RECK: variants seen among roughly 807,000 people sequenced by gnomAD.
RECK encodes reversion-inducing cysteine-rich protein with Kazal motifs.
RECK carries 69 observed loss-of-function variants against 115.1 expected under a neutral mutation model. The ratio of observed to expected loss-of-function variants is 0.60; its 90% CI spans 0.49 to 0.73. RECK has a LOEUF of 0.73. Among genes scored for constraint, RECK ranks in the 30% least tolerant of loss-of-function variants. The pLI is 0.00. For synonymous variants in RECK, 414 were observed against 419.7 expected (o/e 0.99, Z 0.17); for missense variants, 1,047 against 1,203.7 (o/e 0.87, Z 1.93).
chr9:36,104,300 A>G (rs1283336181), intron 12 of RECK, among the ~76,000 whole-genome samples: 2,095 of 52,578 alleles, frequency 0.04, 125 homozygotes, highest in African/African-American at 0.2. Flanking sequence ...GTGTATATAT[A>G]TATATATATA....
chr9:36,118,671 A>T, intron 17 of RECK, 86 bp from the exon 18 acceptor site: 2 of 1,284,102 alleles, frequency 1.6e-6, no homozygotes, highest in Admixed American at 4.3e-5. Flanking sequence ...TTCCTTCCTG[A>T]AAATAGGGAG....
chr9:36,105,117 A>C (rs1373771000), intron 12 of RECK, 26 bp from the exon 13 acceptor site: 3 of 1,606,164 alleles, frequency 1.9e-6, no homozygotes, highest in Non-Finnish European at 2.6e-6. Context: ...TAGGTTGGTT[A>C]AACTAATCTG....
intron 1 of RECK, among the ~76,000 whole-genome samples, chr9:36,037,799 A>T (rs1244813785): frequency 1.3e-5 from 2 of 152,088 alleles, no homozygotes; most frequent in South Asian, 2.1e-4. Flanking sequence ...AGGAGATTGA[A>T]GTAACTCGAA....
rs200760523 is a variant in RECK at position 36,118,897 on chromosome 9, C to T, written c.2394C>T (p.Ser798=). Residue 798 remains serine (S), a synonymous_variant, in exon 18 of 21, where the codon TCC becomes TCT. Coordinates refer to ENST00000377966, the MANE Select transcript of RECK (RefSeq NM_021111.3). ...QAVGVLSEHS[S]VAECASVKCP... Reference sequence around the variant, plus strand: ...TCGGAGTCCTCTCAGAGCACAGCTCCGTCGCCGAGTGTGCTTCTGTCAAGT... The same window carrying T: ...TCGGAGTCCTCTCAGAGCACAGCTCTGTCGCCGAGTGTGCTTCTGTCAAGT... The T allele has an allele frequency of 8.1e-6, 13 of 1,613,708 alleles. No individual in the cohort carries two copies. The highest frequency in any genetic ancestry group is 3.3e-5 in the Admixed American group (2 of 59,992).
chr9:36,054,810 TTG>T (rs1267809804), intron 2 of RECK, among the ~76,000 whole-genome samples: 1 of 152,182 alleles, frequency 6.6e-6, no homozygotes, highest in East Asian at 1.9e-4. Flanking sequence ...AATATAGGGA[TTG>T]TGTCTCATTT....
intron 10 of RECK, among the ~76,000 whole-genome samples, 186 bp downstream of exon 10, chr9:36,091,529 C>T (rs561543275): frequency 2.8e-4 from 43 of 152,320 alleles, no homozygotes; most frequent in African/African-American, 1.0e-3. Context: ...TACAAAGTCC[C>T]TTCCAATCTA....
At chr9:36,066,927 G>A (rs1218831626) in intron 6 of RECK, 1 of 1,136,020 alleles carries the variant, frequency 8.8e-7, no homozygotes, top group Non-Finnish European at 1.2e-6. Flanking sequence ...ACTTTTCCCA[G>A]TCTATCTTCC....
At chr9:36,060,220 G>T (rs564638525) in intron 4 of RECK, 65 bp downstream of exon 4, 140 of 1,484,632 alleles carry the variant, frequency 9.4e-5, no homozygotes, top group Admixed American at 6.6e-4. Flanking sequence ...ATGTAAAATT[G>T]GTGTCATTGT....
At chr9:36,058,754 G>C (rs1174343271) in intron 2 of RECK, 73 bp from the exon 3 acceptor site, 8 of 880,988 alleles carry the variant, frequency 9.1e-6, no homozygotes, top group Non-Finnish European at 1.4e-5. Context: ...TAAATCTAGA[G>C]GATAATAAGT....
intron 4 of RECK, among the ~76,000 whole-genome samples, chr9:36,061,041 G>A (rs137963964): frequency 1.7e-4 from 26 of 152,026 alleles, no homozygotes; most frequent in Non-Finnish European, 2.4e-4. Context: ...TCTTACACTC[G>A]TGGGATAGAA....
At chr9:36,055,024 TA>T (rs1821465396) in intron 2 of RECK, among the ~76,000 whole-genome samples, 1 of 152,156 alleles carries the variant, frequency 6.6e-6, no homozygotes. Context: ...AGGAGATAAG[TA>T]TGGGTAAAAA....
intron 2 of RECK, among the ~76,000 whole-genome samples, chr9:36,056,390 G>GT (rs1195852797): frequency 6.6e-6 from 1 of 152,078 alleles, no homozygotes; most frequent in African/African-American, 2.4e-5. Context: ...TTGGTTATAT[G>GT]TTTTTTAAAT....
At chr9:36,051,083 T>C (rs993546563) in intron 1 of RECK, among the ~76,000 whole-genome samples, 24 of 152,202 alleles carry the variant, frequency 1.6e-4, no homozygotes, top group Non-Finnish European at 1.0e-4. Flanking sequence ...AACAGACTTA[T>C]GTTTTTTTGA....
In RECK at chr9:36,124,308, T is replaced by G. The variant is rs1824563283; in HGVS notation, c.*1263T>G. 1 of 152,670 alleles carries G rather than the reference T, an allele frequency of 6.6e-6. No individual in the cohort carries two copies. The highest frequency in any genetic ancestry group is 1.5e-5 in the Non-Finnish European group (1 of 68,046). 9.5% of individuals were successfully genotyped at this position (152,670 alleles called of 1,614,324 possible). A position where few individuals can be genotyped will look rare whatever the true frequency, so the allele number is the denominator to read the frequency against. ...GGATATGCGTATTATACCAAAATGT[T>G]GCTGAAAAATGGGCACTTAAAGCTT... On this transcript the variant is annotated 3_prime_UTR_variant, in exon 21 of 21. Transcript: ENST00000377966.
chr9:36,046,298 T>G (rs989178941), intron 1 of RECK, among the ~76,000 whole-genome samples: 1 of 152,212 alleles, frequency 6.6e-6, no homozygotes, highest in African/African-American at 2.4e-5. Flanking sequence ...ATTAATCCCT[T>G]TTAGTTGCTC....
At chr9:36,111,374 G>A (rs1459441994) in intron 15 of RECK, among the ~76,000 whole-genome samples, 1 of 152,140 alleles carries the variant, frequency 6.6e-6, no homozygotes, top group African/African-American at 2.4e-5. Context: ...AGAGTGGAAG[G>A]AACCTACAAC....
In RECK at chr9:36,091,355, T is replaced by G; in HGVS notation, c.1085+12T>G. ...AATTTTAACAACAGGTAAGACAAAT[T>G]ATTATACATGGAATGGAAATATTTT... On this transcript the variant is annotated intron_variant, in intron 10 of 20. Transcript: ENST00000377966. 1 of 1,437,388 alleles carries G rather than the reference T, an allele frequency of 7.0e-7. No homozygotes were observed. The allele number at this position is 1,437,388 out of a possible 1,614,324, so 89.0% of individuals were successfully genotyped here. A position where few individuals can be genotyped will look rare whatever the true frequency, so the allele number is the denominator to read the frequency against.
chr9:36,063,417 G>A (rs1332481077), intron 4 of RECK, among the ~76,000 whole-genome samples: 3 of 152,150 alleles, frequency 2.0e-5, no homozygotes, highest in Non-Finnish European at 4.4e-5. Context: ...GTCTGCTTAT[G>A]TTAAATTAAA....
Position 36,120,001 on chromosome 9 carries a change from G to A in RECK, c.2465-662G>A, listed in dbSNP as rs143908052. Among the ~76,000 whole-genome samples, 1,054 of 152,258 alleles carry A rather than the reference G, an allele frequency of 6.9e-3. 14 individuals are homozygous for A. The highest frequency in any genetic ancestry group is 0.023 in the African/African-American group (940 of 41,538). On this transcript the variant is annotated intron_variant, in intron 18 of 20. Coordinates refer to ENST00000377966, the MANE Select transcript of RECK (RefSeq NM_021111.3). Reference sequence around the variant, plus strand: ...TGTAATCCCAGCACTTTGGGAGGCCGAGGCAGGCGGATCACGAGATCAGGA... The same window carrying A: ...TGTAATCCCAGCACTTTGGGAGGCCAAGGCAGGCGGATCACGAGATCAGGA...
Sources: allele counts gnomAD v4.1 joint callset (sites outside exome capture counted in the v4.1 genomes callset), GRCh38; gene constraint gnomAD v4.1.1; transcripts MANE v1.5; gene names NCBI Gene and HGNC (gene_info 2026-07-23, HGNC 2026-07-21).